Variants in IGSF5 observed in about 807,000 individuals in gnomAD.
The protein encoded by IGSF5 is immunoglobulin superfamily member 5, also known as immunoglobulin superfamily 5 like.
In IGSF5, 41 loss-of-function variants were observed where a neutral mutation model predicts 39.4. The ratio of observed to expected loss-of-function variants is 1.04; its 90% CI spans 0.81 to 1.35. The LOEUF is 1.35. IGSF5 is among the 40% of genes most tolerant of loss of function. The pLI is 0.00. For synonymous variants in IGSF5, 183 were observed against 175.3 expected, an observed-to-expected ratio of 1.04 and a Z score of -0.34; for missense variants, 487 against 494.6, an observed-to-expected ratio of 0.98 and a Z score of 0.15.
the IGSF5 span, among the ~76,000 whole-genome samples, chr21:39,726,539 G>C: frequency 6.6e-6 from 1 of 151,774 alleles, no homozygotes; most frequent in African/African-American, 2.4e-5. Flanking sequence ...GAGGAGCCAA[G>C]ATGGCAGGGC....
the IGSF5 span, among the ~76,000 whole-genome samples, chr21:39,721,007 G>A: frequency 2.0e-5 from 3 of 152,148 alleles, no homozygotes; most frequent in East Asian, 5.8e-4. Flanking sequence ...AACTGCAGGT[G>A]GAAGTAACTT....
intron 5 of IGSF5, among the ~76,000 whole-genome samples, chr21:39,786,136 AC>A (rs2086917989): frequency 6.6e-6 from 1 of 151,840 alleles, no homozygotes; most frequent in African/African-American, 2.4e-5. Context: ...GAGCTTCTGC[AC>A]AGCAAAAGAA....
At chr21:39,788,919 C>A (rs1263206260) in intron 6 of IGSF5, among the ~76,000 whole-genome samples, 5 of 152,164 alleles carry the variant, frequency 3.3e-5, no homozygotes, top group Non-Finnish European at 7.3e-5. Context: ...TGCTGAGATT[C>A]TAAAATACCT....
chr21:39,763,883 C>A (rs16998414), intron 2 of IGSF5, among the ~76,000 whole-genome samples: 1 of 152,086 alleles, frequency 6.6e-6, no homozygotes, highest in South Asian at 2.1e-4. Flanking sequence ...CCATTTCTCA[C>A]GCTTAAAACA....
the IGSF5 span, among the ~76,000 whole-genome samples, chr21:39,712,448 G>A: frequency 6.6e-6 from 1 of 152,166 alleles, no homozygotes; most frequent in South Asian, 2.1e-4. Flanking sequence ...ACTCCCACCA[G>A]GATATGAGTT....
Position 39,779,251 on chromosome 21 carries a change from T to C in IGSF5, c.880T>C (p.Cys294Arg), listed in dbSNP as rs779059120. ...TIRCCCCRRR[C>R]CGCNCCCRCC... ...ACGCTGCTGCTGCTGCCGCCGTCGT[T>C]GTTGTGGCTGCAACTGCTGCTGCCG... The change falls in exon 5 of 9, where the codon TGT (cysteine) becomes CGT (arginine). Residue 294 changes from cysteine to arginine, a missense_variant. Cys to Arg is a radical substitution (Grantham distance 180). Coordinates refer to ENST00000380588, the MANE Select transcript of IGSF5 (RefSeq NM_001080444.2). The C allele has an allele frequency of 1.1e-5, 17 of 1,612,782 alleles. No homozygotes were observed. The highest frequency in any genetic ancestry group is 9.3e-5 in the African/African-American group (7 of 74,896).
intron 8 of IGSF5, among the ~76,000 whole-genome samples, chr21:39,794,642 CA>C (rs1319611125): frequency 6.6e-6 from 1 of 152,158 alleles, no homozygotes; most frequent in Non-Finnish European, 1.5e-5. Flanking sequence ...AGAAGTATTT[CA>C]ATGCGATTCT....
At chr21:39,790,540 C>T (rs1436122271) in intron 6 of IGSF5, among the ~76,000 whole-genome samples, 1 of 152,078 alleles carries the variant, frequency 6.6e-6, no homozygotes, top group African/African-American at 2.4e-5. Context: ...TTCCTGTAGT[C>T]CCAGATACTC....
At chr21:39,768,714 G>GAGT (rs1258169726) in intron 3 of IGSF5, among the ~76,000 whole-genome samples, 1 of 152,166 alleles carries the variant, frequency 6.6e-6, no homozygotes, top group Non-Finnish European at 1.5e-5. Flanking sequence ...TTAGACTCAA[G>GAGT]GGACAAACCC....
chr21:39,787,752 C>T (rs996233157), intron 5 of IGSF5, among the ~76,000 whole-genome samples: 1 of 152,066 alleles, frequency 6.6e-6, no homozygotes, highest in African/African-American at 2.4e-5. Flanking sequence ...GTACTTTGCA[C>T]AGAGCCCGTT....
At chr21:39,740,237 C>A (rs531114414), upstream of IGSF5, among the ~76,000 whole-genome samples, 90 of 152,342 alleles carry the variant, frequency 5.9e-4, no homozygotes, top group African/African-American at 2.1e-3. Context: ...AGGGTCCTGC[C>A]TTGCAGCTCT....
chr21:39,792,035 A>C lies in IGSF5; in HGVS notation c.984A>C (p.Lys328Asn). Reference sequence around the variant, plus strand: ...AATCTGAAAAAGAGAAGACAAACAAAGAAACTGAGACAGAAAGTGGAAATG... The same window carrying C: ...AATCTGAAAAAGAGAAGACAAACAACGAAACTGAGACAGAAAGTGGAAATG... ...QKKSEKEKTN[K>N]ETETESGNEN... Residue 328 changes from lysine to asparagine, a missense_variant, in exon 7 of 9, where the codon AAA (lysine) becomes AAC (asparagine). Coordinates refer to ENST00000380588, the MANE Select transcript of IGSF5 (RefSeq NM_001080444.2). 1 of 1,610,342 alleles carries C rather than the reference A, an allele frequency of 6.2e-7. No homozygotes were observed. The highest frequency in any genetic ancestry group is 8.5e-7 in the Non-Finnish European group (1 of 1,178,062).
At position 39,770,956 on chromosome 21, in the gene IGSF5, C is replaced by A; in HGVS notation, c.459C>A (p.Val153=). 1 of 1,599,162 alleles carries A rather than the reference C, an allele frequency of 6.3e-7. No individual in the cohort carries two copies. Among genetic ancestry groups the A allele is most frequent in the South Asian group, 1.1e-5 (1 of 87,822 alleles). ...ELFIPSVNLV[V]AENEPCEVTC... is the part of the protein sequence containing the mutation. ...TCATTCCCAGTGTTAATCTTGTAGT[C>A]GCTGAGAATGAACCTTGTGAAGTTA... Residue 153 remains valine (V), a synonymous_variant, in exon 4 of 9, where the codon GTC becomes GTA. Coordinates refer to ENST00000380588, the MANE Select transcript of IGSF5 (RefSeq NM_001080444.2).
At chr21:39,757,043 C>CG (rs1442790543) in intron 2 of IGSF5, among the ~76,000 whole-genome samples, 1 of 19,060 alleles carries the variant, frequency 5.2e-5, no homozygotes, top group East Asian at 1.9e-3. Flanking sequence ...CAGGCACAGT[C>CG]CCCCCGAGAG....
intron 6 of IGSF5, among the ~76,000 whole-genome samples, chr21:39,789,681 G>A (rs922825823): frequency 6.6e-5 from 10 of 152,152 alleles, no homozygotes; most frequent in African/African-American, 2.4e-4. Context: ...TATAAAGATA[G>A]GCACAAGAAA....
the IGSF5 span, chr21:39,729,149 C>A: frequency 6.6e-6 from 1 of 152,196 alleles, no homozygotes; most frequent in Admixed American, 6.5e-5. Context: ...ACATATGGGG[C>A]AGTCCTGCTC....
the IGSF5 span, among the ~76,000 whole-genome samples, chr21:39,716,831 C>A: frequency 3.3e-5 from 5 of 152,172 alleles, no homozygotes; most frequent in African/African-American, 1.2e-4. Context: ...GTCTTTATGG[C>A]AGAATTATTT....
chr21:39,746,686 C>T lies in IGSF5; in HGVS notation c.100+388C>T, dbSNP rs535985618. Among the ~76,000 whole-genome samples, 11 of 16,800 alleles carry T rather than the reference C, an allele frequency of 6.5e-4. No homozygotes were observed. The East Asian group carries it at 0.021, about 32-fold the overall frequency. The allele number at this position is 16,800 out of a possible 152,430, so 11.0% of individuals were successfully genotyped here. A position where few individuals can be genotyped will look rare whatever the true frequency, so the allele number is the denominator to read the frequency against. ...CTGATGGAACACAGTTAACAGTTAA[C>T]ACAGCTCACGGGACTCCTGATGCTT... On this transcript the variant is annotated intron_variant, in intron 2 of 8. Coordinates refer to ENST00000380588, the MANE Select transcript of IGSF5 (RefSeq NM_001080444.2).
At chr21:39,774,034 G>T (rs529897051) in intron 4 of IGSF5, among the ~76,000 whole-genome samples, 1 of 152,338 alleles carries the variant, frequency 6.6e-6, no homozygotes, top group East Asian at 1.9e-4. Context: ...GTGCCTTAAC[G>T]ATGGTAGCTG....
Sources: allele counts gnomAD v4.1 joint callset (sites outside exome capture counted in the v4.1 genomes callset), GRCh38; gene constraint gnomAD v4.1.1; transcripts MANE v1.5; gene names NCBI Gene and HGNC (gene_info 2026-07-23, HGNC 2026-07-21).